KCNJ6: variants seen among roughly 807,000 people sequenced by gnomAD.
KCNJ6 encodes G protein-activated inward rectifier potassium channel 2.
Under a neutral mutation model 34.2 loss-of-function variants are expected in KCNJ6, and 9 were observed. That is an observed-to-expected ratio of 0.26 (90% confidence interval 0.16 to 0.46). KCNJ6 has a LOEUF of 0.46. Ranked by LOEUF, KCNJ6 falls within the 20% of genes least tolerant of loss-of-function variation. KCNJ6 has a pLI of 1.00. For missense variants in KCNJ6, 236 were observed against 531.3 expected (o/e 0.44, Z 5.46); for synonymous variants, 196 against 207.1 (o/e 0.95, Z 0.46).
At chr21:37,891,913 G>C (rs1455964840) in intron 1 of KCNJ6, among the ~76,000 whole-genome samples, 1 of 152,130 alleles carries the variant, frequency 6.6e-6, no homozygotes, top group East Asian at 1.9e-4. Context: ...AGTGTGGGAT[G>C]GGGAAGGGGT....
chr21:37,767,448 G>A (rs116425801), intron 2 of KCNJ6, among the ~76,000 whole-genome samples: 3,376 of 152,172 alleles, frequency 0.022, 133 homozygotes, highest in African/African-American at 0.077. Flanking sequence ...GGAAGCAACC[G>A]GAGCAGTTAA....
chr21:37,633,276 C>T lies in KCNJ6; in HGVS notation c.947-7792G>A, dbSNP rs117943083. 4.2e-3 allele frequency among the ~76,000 whole-genome samples: 638 copies of T among 152,014 alleles called. 4 individuals carry two copies. Among genetic ancestry groups the T allele is most frequent in the Middle Eastern group, 0.01 (3 of 294 alleles). ...AATTCATTTGATAAAATTCAAAAAC[C>T]ACTTATGATGAAACTTCTTAATAAA... is the stretch of plus-strand genomic sequence containing the variant. On this transcript the variant is annotated intron_variant, in intron 3 of 3. Coordinates refer to ENST00000609713, the MANE Select transcript of KCNJ6 (RefSeq NM_002240.5).
chr21:37,754,084 C>T (rs554265634), intron 2 of KCNJ6, among the ~76,000 whole-genome samples: 1 of 152,270 alleles, frequency 6.6e-6, no homozygotes, highest in Admixed American at 6.5e-5. Context: ...ATACTGCAAC[C>T]AGCTAATAAT....
At chr21:37,742,103 C>A (rs771080004) in intron 2 of KCNJ6, among the ~76,000 whole-genome samples, 3 of 152,184 alleles carry the variant, frequency 2.0e-5, no homozygotes, top group African/African-American at 7.2e-5. Context: ...AAATGGACAT[C>A]CTGTGTGATT....
rs549652011 is a variant in KCNJ6, at chr21:37,668,874, A to G, written c.947-43390T>C. Among the ~76,000 whole-genome samples, 7 of 152,350 alleles carry G rather than the reference A, an allele frequency of 4.6e-5. No individual in the cohort carries two copies. The East Asian group carries it at 9.6e-4, about 21-fold the overall frequency. On this transcript the variant is annotated intron_variant, in intron 3 of 3. Transcript: ENST00000609713. ...TTATCCCAAAATAGGTTTCTTTGCT[A>G]TACTTTGAAATGGTGCTGCAAAGCT...
intron 1 of KCNJ6, among the ~76,000 whole-genome samples, chr21:37,857,345 G>A (rs921195393): frequency 4.6e-5 from 7 of 152,270 alleles, no homozygotes; most frequent in African/African-American, 1.7e-4. Flanking sequence ...TCATCCTGGG[G>A]GCATAGTCAA....
chr21:37,729,917 C>CTT (rs34009937), intron 2 of KCNJ6, among the ~76,000 whole-genome samples: 3 of 151,902 alleles, frequency 2.0e-5, no homozygotes, highest in Non-Finnish European at 2.9e-5. Context: ...CTTCATCCTC[C>CTT]TTTTTTTTAG....
intron 2 of KCNJ6, among the ~76,000 whole-genome samples, chr21:37,804,071 G>A (rs1196862119): frequency 6.6e-6 from 1 of 152,192 alleles, no homozygotes; most frequent in Non-Finnish European, 1.5e-5. Context: ...CTTCAAAGGA[G>A]ATATTAAAAT....
intron 3 of KCNJ6, among the ~76,000 whole-genome samples, chr21:37,638,056 T>C (rs1033851987): frequency 3.9e-5 from 6 of 152,212 alleles, no homozygotes; most frequent in Non-Finnish European, 7.3e-5. Context: ...AGGGTTCTCA[T>C]TTAGGAGGCC....
At chr21:37,718,507 T>G (rs2054806487) in intron 2 of KCNJ6, among the ~76,000 whole-genome samples, 1 of 152,200 alleles carries the variant, frequency 6.6e-6, no homozygotes, top group Admixed American at 6.5e-5. Context: ...GTTAATTAAA[T>G]GCTTGTGTTT....
At chr21:37,876,213 C>T (rs2055677235) in intron 1 of KCNJ6, among the ~76,000 whole-genome samples, 1 of 152,218 alleles carries the variant, frequency 6.6e-6, no homozygotes, top group Non-Finnish European at 1.5e-5. Context: ...CTAAGGTACA[C>T]ACTGGACCGG....
At chr21:37,897,994 G>A (rs1399854230) in intron 1 of KCNJ6, among the ~76,000 whole-genome samples, 1 of 152,230 alleles carries the variant, frequency 6.6e-6, no homozygotes, top group Non-Finnish European at 1.5e-5. Flanking sequence ...TTAAATGACT[G>A]TTATTCAAGT....
At chr21:37,627,125 C>T (rs374390557) in intron 3 of KCNJ6, among the ~76,000 whole-genome samples, 8 of 152,196 alleles carry the variant, frequency 5.3e-5, no homozygotes, top group African/African-American at 1.7e-4. Context: ...ATTCCTGCAG[C>T]ACTGCATTTG....
chr21:37,792,042 T>C (rs1025131372), intron 2 of KCNJ6, among the ~76,000 whole-genome samples: 1 of 152,264 alleles, frequency 6.6e-6, no homozygotes, highest in Non-Finnish European at 1.5e-5. Context: ...GATGTGACTT[T>C]CTCCATCAGC....
chr21:37,796,469 C>G (rs1320456878), intron 2 of KCNJ6, among the ~76,000 whole-genome samples: 1 of 152,146 alleles, frequency 6.6e-6, no homozygotes, highest in African/African-American at 2.4e-5. Context: ...GCAGATGGGA[C>G]CAGGCCCCAT....
At chr21:37,818,481 GT>G (rs34263366) in intron 2 of KCNJ6, among the ~76,000 whole-genome samples, 83,592 of 151,416 alleles carry the variant, frequency 0.55, 23,621 homozygotes, top group East Asian at 0.78. Flanking sequence ...GGAATCCCAT[GT>G]TTTACCCGAC....
At chr21:37,761,614 ATT>A (rs1299379877) in intron 2 of KCNJ6, among the ~76,000 whole-genome samples, 2 of 130,286 alleles carry the variant, frequency 1.5e-5, no homozygotes, top group Admixed American at 1.6e-4. Flanking sequence ...TGTATGTAGT[ATT>A]TGTGTATGTG....
At chr21:37,826,431 C>T (rs1272855969) in intron 2 of KCNJ6, among the ~76,000 whole-genome samples, 1 of 152,118 alleles carries the variant, frequency 6.6e-6, no homozygotes, top group Non-Finnish European at 1.5e-5. Context: ...AGGTGTGCCT[C>T]TCTCACTTGG....
In KCNJ6 at chr21:37,821,683, T is replaced by C. The variant is rs16995530; in HGVS notation, c.25+18975A>G. Among the ~76,000 whole-genome samples the C allele has an allele frequency of 9.2e-3, 1,394 of 152,338 alleles. 14 individuals are homozygous for C. Among genetic ancestry groups the C allele is most frequent in the African/African-American group, 0.026 (1,100 of 41,566 alleles). On this transcript the variant is annotated intron_variant, in intron 2 of 3. Coordinates refer to ENST00000609713, the MANE Select transcript of KCNJ6 (RefSeq NM_002240.5). ...ACTTATGCCAACTGTGTTAGGGTACTTTATTTCTTTATCACTTTCTCATTT... is the reference window on the plus strand; with the variant it reads ...ACTTATGCCAACTGTGTTAGGGTACCTTATTTCTTTATCACTTTCTCATTT...
Sources: gnomAD v4.1 joint callset for allele counts (sites outside exome capture counted in the v4.1 genomes callset) on GRCh38, gnomAD v4.1.1 for gene constraint, MANE v1.5 for transcripts, NCBI Gene and HGNC (gene_info 2026-07-23, HGNC 2026-07-21) for gene names.